The following GHR variants were observed in gnomAD, a reference collection of about 807,000 sequenced individuals.
GHR encodes GH receptor.
A neutral mutation model predicts 67.1 loss-of-function variants in GHR; 35 were observed. The ratio of observed to expected loss-of-function variants is 0.52; its 90% confidence interval spans 0.40 to 0.69. The LOEUF is 0.69. GHR is among the 30% of genes least tolerant of loss of function. The probability of loss-of-function intolerance (pLI) is 0.00; values close to 1 mark genes in which losing one functional copy is unlikely to be tolerated. For synonymous variants in GHR, 272 were observed against 269.1 expected, an observed-to-expected ratio of 1.01 and a Z score of -0.10; for missense variants, 792 against 764.6, an observed-to-expected ratio of 1.04 and a Z score of -0.42.
At chr5:42,654,466 T>A (rs963692732) in intron 3 of GHR, among the ~76,000 whole-genome samples, 2 of 152,196 alleles carry the variant, frequency 1.3e-5, no homozygotes, top group African/African-American at 4.8e-5. Context: ...TTTAATTTCC[T>A]TTATAAGCCA....
At chr5:42,579,112 TAG>T (rs1561138631) in intron 2 of GHR, among the ~76,000 whole-genome samples, 16 of 90,072 alleles carry the variant, frequency 1.8e-4, no homozygotes, top group African/African-American at 5.2e-4. Flanking sequence ...GATAGATAGA[TAG>T]ATAGATAGAT....
intron 4 of GHR, among the ~76,000 whole-genome samples, chr5:42,691,227 C>G (rs1008894317): frequency 2.0e-5 from 3 of 152,186 alleles, no homozygotes; most frequent in African/African-American, 7.2e-5. Flanking sequence ...AGATTTTGCC[C>G]TGGTAGTGTT....
chr5:42,548,241 G>A, intron 1 of GHR: 1 of 985,296 alleles, frequency 1.0e-6, no homozygotes, highest in Non-Finnish European at 1.2e-6. Context: ...ATGAGAGAGA[G>A]AGATTGAGAA....
chr5:42,588,483 C>T (rs933528768), intron 2 of GHR, among the ~76,000 whole-genome samples: 5 of 138,826 alleles, frequency 3.6e-5, no homozygotes, highest in Admixed American at 2.4e-4. Flanking sequence ...CGCGCCATTG[C>T]ACTCCACACT....
intron 2 of GHR, among the ~76,000 whole-genome samples, chr5:42,578,073 A>T (rs1181777601): frequency 1.3e-5 from 2 of 152,184 alleles, no homozygotes; most frequent in Non-Finnish European, 2.9e-5. Flanking sequence ...TTGAGATTTT[A>T]GGTTAATTTA....
intron 3 of GHR, among the ~76,000 whole-genome samples, chr5:42,636,028 G>C (rs1179358936): frequency 6.6e-6 from 1 of 151,840 alleles, no homozygotes; most frequent in Non-Finnish European, 1.5e-5. Context: ...GGCTAACACA[G>C]TGAAATCCCG....
intron 1 of GHR, among the ~76,000 whole-genome samples, chr5:42,551,150 G>A (rs560738983): frequency 1.3e-5 from 2 of 152,350 alleles, no homozygotes; most frequent in Non-Finnish European, 1.5e-5. Context: ...AGAGCAGAGT[G>A]GGGATTATAA....
chr5:42,713,204 T>C (rs1758554600), intron 7 of GHR, among the ~76,000 whole-genome samples: 4 of 152,176 alleles, frequency 2.6e-5, no homozygotes, highest in Admixed American at 2.6e-4. Flanking sequence ...TTTCTTTATT[T>C]TGAAGTTTTT....
chr5:42,678,988 T>C (rs889213807), intron 3 of GHR, among the ~76,000 whole-genome samples: 1 of 146,932 alleles, frequency 6.8e-6, no homozygotes, highest in African/African-American at 2.5e-5. Context: ...ATTAATAATA[T>C]AATTAATATG....
chr5:42,661,600 G>T (rs1284642206), intron 3 of GHR, among the ~76,000 whole-genome samples: 1 of 152,174 alleles, frequency 6.6e-6, no homozygotes, highest in Non-Finnish European at 1.5e-5. Context: ...AGCTCCTGAA[G>T]GAAGCACTAA....
intron 3 of GHR, among the ~76,000 whole-genome samples, chr5:42,678,396 A>G (rs1423207274): frequency 1.3e-5 from 2 of 152,196 alleles, no homozygotes; most frequent in East Asian, 1.9e-4. Flanking sequence ...AATGAATATC[A>G]CCATCACAGT....
rs571139443 is a variant in GHR, at chr5:42,602,224, A to G, written c.71-26814A>G. ...TAACAAATTTCCAATATGCAATACAATATTATTAATGATAGTCTTTCTGCT... is the reference window on the plus strand; with the variant it reads ...TAACAAATTTCCAATATGCAATACAGTATTATTAATGATAGTCTTTCTGCT... On this transcript the variant is annotated intron_variant, in intron 2 of 9. Coordinates refer to ENST00000230882, the MANE Select transcript of GHR (RefSeq NM_000163.5). Among the ~76,000 whole-genome samples the G allele has an allele frequency of 2.1e-4, 32 of 152,282 alleles. 2 individuals are homozygous for G. Among genetic ancestry groups the G allele is most frequent in the African/African-American group, 7.2e-4 (30 of 41,572 alleles).
chr5:42,458,500 T>G (rs1037829821), intron 1 of GHR, among the ~76,000 whole-genome samples: 1 of 152,046 alleles, frequency 6.6e-6, no homozygotes, highest in African/African-American at 2.4e-5. Flanking sequence ...AAAACTTAAA[T>G]GTAAAACCTA....
At chr5:42,606,974 C>T (rs1477050041) in intron 2 of GHR, among the ~76,000 whole-genome samples, 1 of 152,060 alleles carries the variant, frequency 6.6e-6, no homozygotes. Context: ...TATGGTTTGG[C>T]TCTGTGTCCC....
At chr5:42,460,265 A>G (rs147140177) in intron 1 of GHR, among the ~76,000 whole-genome samples, 334 of 152,312 alleles carry the variant, frequency 2.2e-3, no homozygotes, top group African/African-American at 7.6e-3. Context: ...TAAATCACCC[A>G]AACTGTAGTA....
chr5:42,650,715 G>A (rs1754982165), intron 3 of GHR, among the ~76,000 whole-genome samples: 1 of 151,852 alleles, frequency 6.6e-6, no homozygotes, highest in Admixed American at 6.6e-5. Flanking sequence ...TGAATGCAAA[G>A]ATAACATATA....
intron 2 of GHR, among the ~76,000 whole-genome samples, chr5:42,594,736 T>C (rs1421524117): frequency 6.6e-6 from 1 of 152,150 alleles, no homozygotes; most frequent in African/African-American, 2.4e-5. Flanking sequence ...GTCCTTTATA[T>C]ATTCTTACAA....
At chr5:42,526,482 TGATGAA>T (rs1747710512) in intron 1 of GHR, among the ~76,000 whole-genome samples, 1 of 152,196 alleles carries the variant, frequency 6.6e-6, no homozygotes, top group South Asian at 2.1e-4. Flanking sequence ...CTAAGATCAG[TGATGAA>T]GATTACTAAA....
At chr5:42,668,189 T>G (rs1415213214) in intron 3 of GHR, among the ~76,000 whole-genome samples, 1 of 152,236 alleles carries the variant, frequency 6.6e-6, no homozygotes. Context: ...CAAGATATTT[T>G]TCTTTGTTGG....
Sources: allele counts gnomAD v4.1 joint callset (sites outside exome capture counted in the v4.1 genomes callset), GRCh38; gene constraint gnomAD v4.1.1; transcripts MANE v1.5; gene names NCBI Gene and HGNC (gene_info 2026-07-23, HGNC 2026-07-21).